The following KRT77 variants were observed in gnomAD, a reference collection of about 807,000 sequenced individuals.
KRT77 encodes the protein keratin 77.
KRT77 carries 44 observed loss-of-function variants against 51.5 expected under a neutral mutation model. That is an observed-to-expected ratio of 0.85 (90% CI 0.67 to 1.10). The LOEUF is 1.10. Ranked by LOEUF, KRT77 falls within the 50% of genes least tolerant of loss-of-function variation. The pLI is 0.00. For synonymous variants in KRT77, 293 were observed against 302.0 expected (o/e 0.97, Z 0.31); for missense variants, 763 against 743.9 (o/e 1.03, Z -0.30).
rs140180745 is a variant in KRT77 at position 52,690,053 on chromosome 12, T to C, written c.*1112A>G. 1 of 152,348 alleles carries C rather than the reference T, an allele frequency of 6.6e-6. No homozygotes were observed. The highest frequency in any genetic ancestry group is 1.9e-4 in the East Asian group (1 of 5,186). The allele number at this position is 152,348 out of a possible 1,614,324, so 9.4% of individuals were successfully genotyped here. A position where few individuals can be genotyped will look rare whatever the true frequency, so the allele number is the denominator to read the frequency against. The stretch of plus-strand genomic sequence containing the variant: ...CCTGACTGACTTGGGGTTGGAACCC[T>C]TCCAAGACCCAAGTCAGATCCTCAG... On this transcript the variant is annotated 3_prime_UTR_variant, in exon 9 of 9. Coordinates refer to ENST00000341809, the MANE Select transcript of KRT77 (RefSeq NM_175078.3).
chr12:52,698,982 C>T (rs560002083), intron 1 of KRT77, among the ~76,000 whole-genome samples: 2 of 152,322 alleles, frequency 1.3e-5, no homozygotes, highest in East Asian at 3.9e-4. Flanking sequence ...GAGACTCCGC[C>T]CCTCTGAGGG....
At chr12:52,698,059 G>T in intron 1 of KRT77, 163 bp from the exon 2 acceptor site, 1 of 1,440,342 alleles carries the variant, frequency 6.9e-7, no homozygotes. Context: ...ACACACAGAG[G>T]GCAATGTGGT....
intron 2 of KRT77, chr12:52,696,719 C>G: frequency 2.8e-6 from 1 of 355,942 alleles, no homozygotes; most frequent in South Asian, 7.3e-5. Context: ...GATGTTTTAC[C>G]TTTGTAAATG....
chr12:52,694,036 CA>C (rs35761312), intron 5 of KRT77, among the ~76,000 whole-genome samples: 62,665 of 127,064 alleles, frequency 0.49, 13,617 homozygotes, highest in African/African-American at 0.56. Context: ...GTTTCCATCT[CA>C]AAAAAAAAAA....
At chr12:52,702,065 G>A (rs904530463) in intron 1 of KRT77, among the ~76,000 whole-genome samples, 14 of 152,090 alleles carry the variant, frequency 9.2e-5, no homozygotes, top group African/African-American at 3.4e-4. Flanking sequence ...CATTTAACTC[G>A]TGCTCACTTC....
intron 1 of KRT77, among the ~76,000 whole-genome samples, chr12:52,700,084 C>T (rs1391542700): frequency 6.6e-6 from 1 of 152,202 alleles, no homozygotes; most frequent in African/African-American, 2.4e-5. Context: ...AGGCCCTGTC[C>T]CCTTGTCATT....
In KRT77 at chr12:52,695,857, G is replaced by T; in HGVS notation, c.830C>A (p.Ala277Asp). ...DFVVLKKDVDAAYVSKVDLES... is the reference protein window; with the variant it reads ...DFVVLKKDVDDAYVSKVDLES... ...CAGGTCCACTTTGCTCACATAAGCA[G>T]CATCCACATCCTGAATAGCAGGCAG... The change falls in exon 4 of 9, where the codon GCT becomes GAT. Residue 277 changes from alanine to aspartate, a missense_variant. By Grantham distance (126) the Ala-to-Asp change is moderately radical (BLOSUM62 -2). Coordinates refer to ENST00000341809, the MANE Select transcript of KRT77 (RefSeq NM_175078.3). 1 of 1,609,108 alleles carries T rather than the reference G, an allele frequency of 6.2e-7. No individual in the cohort carries two copies. The highest frequency in any genetic ancestry group is 8.5e-7 in the Non-Finnish European group (1 of 1,175,412).
At chr12:52,701,908 G>A (rs935178966) in intron 1 of KRT77, among the ~76,000 whole-genome samples, 16 of 152,102 alleles carry the variant, frequency 1.1e-4, no homozygotes, top group Admixed American at 1.0e-3. Context: ...TCCTGCCCTG[G>A]CTCTGTGGCT....
intron 2 of KRT77, 49 bp from the exon 3 acceptor site, chr12:52,696,479 C>T (rs759079862): frequency 4.0e-6 from 6 of 1,483,736 alleles, no homozygotes; most frequent in Non-Finnish European, 2.8e-6. Flanking sequence ...CTGACCTTGG[C>T]TCCCTGAGGT....
intron 5 of KRT77, among the ~76,000 whole-genome samples, chr12:52,694,077 C>A (rs1440701085): frequency 6.6e-6 from 1 of 151,228 alleles, no homozygotes; most frequent in Admixed American, 6.6e-5. Context: ...TTAATAGATA[C>A]CATTATGAAA....
intron 5 of KRT77, 107 bp downstream of exon 5, chr12:52,694,519 A>G (rs1941762543): frequency 9.2e-7 from 1 of 1,091,288 alleles, no homozygotes; most frequent in Non-Finnish European, 1.2e-6. Flanking sequence ...AATTTGTATA[A>G]CAAACACATT....
chr12:52,694,808 C>T lies in KRT77; in HGVS notation c.916-18G>A. ...GACAGCTCCTGCGAGGCATGGCGCA[C>T]AGGCTGACTCCTTCCATTCTCCTCT... is the stretch of plus-strand genomic sequence containing the variant. On this transcript the variant is annotated intron_variant, in intron 4 of 8. Coordinates refer to ENST00000341809, the MANE Select transcript of KRT77 (RefSeq NM_175078.3). 6.3e-7 allele frequency: 1 copy of T among 1,581,772 alleles called. No individual in the cohort carries two copies. The highest frequency in any genetic ancestry group is 8.6e-7 in the Non-Finnish European group (1 of 1,157,086).
In KRT77 at chr12:52,691,144, T is replaced by G. The variant is rs11170236; in HGVS notation, c.*21A>C. 351,036 of 1,613,538 alleles carry G rather than the reference T, an allele frequency of 0.22. 41,824 individuals carry two copies. Among genetic ancestry groups the G allele is most frequent in the Non-Finnish European group, 0.24 (288,705 of 1,179,710 alleles). On this transcript the variant is annotated 3_prime_UTR_variant, in exon 9 of 9. Coordinates refer to ENST00000341809, the MANE Select transcript of KRT77 (RefSeq NM_175078.3). Reference sequence around the variant, plus strand: ...AGAGGGCGGTGAGGGGCAGGCGTGATGTGTGGCAGAAACGAGGCCTCTACT... The same window carrying G: ...AGAGGGCGGTGAGGGGCAGGCGTGAGGTGTGGCAGAAACGAGGCCTCTACT...
intron 1 of KRT77, among the ~76,000 whole-genome samples, chr12:52,702,554 T>A (rs10783532): frequency 3.1e-4 from 19 of 62,226 alleles, no homozygotes; most frequent in Admixed American, 2.5e-3. Flanking sequence ...GTGTGTGTGT[T>A]TGTGTGTGTG....
At chr12:52,697,544 C>A in intron 2 of KRT77, 138 bp downstream of exon 2, 1 of 550,142 alleles carries the variant, frequency 1.8e-6, no homozygotes, top group South Asian at 1.7e-5. Flanking sequence ...CAAAACAGTG[C>A]CTCCTGCAGT....
intron 5 of KRT77, 118 bp downstream of exon 5, chr12:52,694,508 G>T: frequency 1.0e-6 from 1 of 961,658 alleles, no homozygotes; most frequent in Non-Finnish European, 1.5e-6. Context: ...GTAATTTCTA[G>T]AATTTGTATA....
chr12:52,694,776 C>T lies in KRT77; in HGVS notation c.930G>A (p.Val310=), dbSNP rs780935179. The T allele has an allele frequency of 1.2e-6, 2 of 1,602,348 alleles. No individual in the cohort carries two copies. Among genetic ancestry groups the T allele is most frequent in the African/African-American group, 1.3e-5 (1 of 74,694 alleles). The change falls in exon 5 of 9, where the codon GTG becomes GTA. Residue 310 remains valine (V), a synonymous_variant. Transcript: ENST00000341809. ...KYLFLTELSQ[V]QTHISDTNVI... is the part of the protein sequence containing the mutation. ...CGTTGGTGTCGCTGATGTGAGTCTG[C>T]ACCTGAGACAGCTCCTGCGAGGCAT... is the stretch of plus-strand genomic sequence containing the variant.
chr12:52,691,443 T>C lies in KRT77; in HGVS notation c.1463-4A>G. ...CTCACCTGGCTGTTCTGCACGGCTG[T>C]GGGTAGGGGACAGTGCACACGGGGT... On this transcript the variant is annotated splice_polypyrimidine_tract_variant and splice_region_variant and intron_variant, in intron 8 of 8. Coordinates refer to ENST00000341809, the MANE Select transcript of KRT77 (RefSeq NM_175078.3). The C allele has an allele frequency of 6.3e-7, 1 of 1,579,472 alleles. No individual in the cohort carries two copies. Among genetic ancestry groups the C allele is most frequent in the Non-Finnish European group, 8.6e-7 (1 of 1,168,512 alleles).
In KRT77 at chr12:52,697,883, T is replaced by C. The variant is rs1447171869; in HGVS notation, c.557A>G (p.Glu186Gly). The C allele has an allele frequency of 3.7e-6, 6 of 1,613,732 alleles. No individual in the cohort carries two copies. The highest frequency in any genetic ancestry group is 5.1e-6 in the Non-Finnish European group (6 of 1,179,838). Residue 186 changes from glutamate (E) to glycine (G), a missense_variant, in exon 2 of 9, where the codon GAG (glutamate) becomes GGG (glycine). By Grantham distance (98) the Glu-to-Gly change is moderately conservative (BLOSUM62 -2). Coordinates refer to ENST00000341809, the MANE Select transcript of KRT77 (RefSeq NM_175078.3). ...ASFIDKVRFL[E>G]QQNQVLQTKW... ...TGTTTGTAGCACCTGGTTCTGCTGC[T>C]CCAGGAATCGCACCTAAGAGCAAGA...
Sources: allele counts gnomAD v4.1 joint callset (sites outside exome capture counted in the v4.1 genomes callset), GRCh38; gene constraint gnomAD v4.1.1; transcripts MANE v1.5; gene names NCBI Gene and HGNC (gene_info 2026-07-23, HGNC 2026-07-21).